The following CYP2F1 variants were observed in gnomAD, a reference collection of about 807,000 sequenced individuals.
CYP2F1 encodes cytochrome P450 family 2 subfamily F member 1.
In CYP2F1, 33 loss-of-function variants were observed where a neutral mutation model predicts 40.4. That is an observed-to-expected ratio of 0.82 (90% CI 0.62 to 1.09). The LOEUF (loss-of-function observed/expected upper bound fraction) is 1.09, where lower values mean the gene tolerates loss of function less well. CYP2F1 is among the 50% of genes least tolerant of loss of function. CYP2F1 has a pLI of 0.00. For missense variants in CYP2F1, 566 were observed against 655.7 expected, an observed-to-expected ratio of 0.86 and a Z score of 1.49; for synonymous variants, 235 against 277.2, an observed-to-expected ratio of 0.85 and a Z score of 1.51.
At position 41,128,216 on chromosome 19, in the gene CYP2F1, G is replaced by A. The variant is rs1167603476; in HGVS notation, c.*134G>A. On this transcript the variant is annotated 3_prime_UTR_variant, in exon 10 of 10. Transcript: ENST00000331105. ...GTCTTCCCTGCATGCTGTGCCTGCCGCGTGCCCTTCCCCCATCCCTCCAAT... is the reference window on the plus strand; with the variant it reads ...GTCTTCCCTGCATGCTGTGCCTGCCACGTGCCCTTCCCCCATCCCTCCAAT... 1.4e-5 allele frequency: 12 copies of A among 845,906 alleles called. No homozygotes were observed. Among genetic ancestry groups the A allele is most frequent in the Middle Eastern group, 3.7e-4 (1 of 2,712 alleles). 52.4% of individuals were successfully genotyped at this position (845,906 alleles called of 1,614,324 possible). A position where few individuals can be genotyped will look rare whatever the true frequency, so the allele number is the denominator to read the frequency against.
In CYP2F1 at chr19:41,128,049, G is replaced by A. The variant is rs772390920; in HGVS notation, c.1443G>A (p.Pro481=). 1.2e-5 allele frequency: 19 copies of A among 1,610,062 alleles called. No homozygotes were observed. The highest frequency in any genetic ancestry group is 6.7e-5 in the East Asian group (3 of 44,802). Reference sequence around the variant, plus strand: ...TCAGCTCAGGTCTTGGCAATTTGCCGCGGCCTTTCCAGCTGTGCCTGCGCC... The same window carrying A: ...TCAGCTCAGGTCTTGGCAATTTGCCACGGCCTTTCCAGCTGTGCCTGCGCC... ...TPLSSGLGNL[P]RPFQLCLRPR The change falls in exon 10 of 10, where the codon CCG becomes CCA. Residue 481 remains proline (P), a synonymous_variant. Coordinates refer to ENST00000331105, the MANE Select transcript of CYP2F1 (RefSeq NM_000774.5).
intron 1 of CYP2F1, among the ~76,000 whole-genome samples, chr19:41,114,788 CTTTTTTTT>C (rs36044091): frequency 5.0e-5 from 5 of 100,010 alleles, no homozygotes; most frequent in Non-Finnish European, 7.6e-5. Context: ...CTCTCTCTCT[CTTTTTTTT>C]TTTTTTTTTT....
In CYP2F1 at chr19:41,121,065, G is replaced by A. The variant is rs373412399; in HGVS notation, c.485-393G>A. 5.7e-4 allele frequency among the ~76,000 whole-genome samples: 86 copies of A among 152,054 alleles called. 1 individual carries two copies. The highest frequency in any genetic ancestry group is 4.1e-3 in the East Asian group (21 of 5,082). On this transcript the variant is annotated intron_variant, in intron 4 of 9. Transcript: ENST00000331105. ...GTCTTGGGATGTTTCCGGGCTGGCT[G>A]TTAGGTCACTGCGTGTCGTGTGTTG...
At chr19:41,124,178 C>G (rs1000629390) in intron 7 of CYP2F1, among the ~76,000 whole-genome samples, 18 of 151,072 alleles carry the variant, frequency 1.2e-4, no homozygotes, top group African/African-American at 3.4e-4. Context: ...CTTGCACAAG[C>G]CAAGCTTTCG....
At chr19:41,122,478 G>A (rs916563020) in intron 6 of CYP2F1, among the ~76,000 whole-genome samples, 43 of 151,614 alleles carry the variant, frequency 2.8e-4, no homozygotes, top group East Asian at 7.8e-4. Context: ...CAACACATAC[G>A]TACACACATA....
Position 41,116,560 on chromosome 19 carries a change from G to A in CYP2F1, c.277G>A (p.Glu93Lys), listed in dbSNP as rs1181199294. 7 of 1,614,064 alleles carry A rather than the reference G, an allele frequency of 4.3e-6. No homozygotes were observed. The highest frequency in any genetic ancestry group is 1.1e-5 in the South Asian group (1 of 91,076). ...GAAGGAGGCCCTGGTGGACCAGGGA[G>A]AGGAGTTTAGTGGCCGCGGTGACTA... Reference protein sequence around the residue: ...AVKEALVDQGEEFSGRGDYPA... With the variant: ...AVKEALVDQGKEFSGRGDYPA... Residue 93 changes from glutamate (E) to lysine (K), a missense_variant, in exon 3 of 10, where the codon GAG (glutamate) becomes AAG (lysine). Coordinates refer to ENST00000331105, the MANE Select transcript of CYP2F1 (RefSeq NM_000774.5).
rs1568382641 is a variant in CYP2F1, at chr19:41,125,535, C to G, written c.1195C>G (p.Pro399Ala). 6.9e-6 allele frequency: 11 copies of G among 1,596,410 alleles called. No individual in the cohort carries two copies. Among genetic ancestry groups the G allele is most frequent in the Non-Finnish European group, 9.4e-6 (11 of 1,167,314 alleles). Residue 399 changes from proline to alanine, a missense_variant, in exon 9 of 10, where the codon CCC becomes GCC. By Grantham distance (27) the Pro-to-Ala change is conservative. This residue lies in a region of CYP2F1 where 27 missense variants were observed against 68.4 expected (regional missense o/e 0.39). Coordinates refer to ENST00000331105, the MANE Select transcript of CYP2F1 (RefSeq NM_000774.5). ...CCTCCTTAACACCGTCCACTACGAC[C>G]CCAGCCAGTTCCTGACGCCCCAGGA... is the stretch of plus-strand genomic sequence containing the variant. ...ITLLNTVHYD[P>A]SQFLTPQEFN...
At chr19:41,124,601 C>G (rs1169355488) in intron 7 of CYP2F1, 118 bp from the exon 8 acceptor site, 2 of 950,652 alleles carry the variant, frequency 2.1e-6, no homozygotes, top group East Asian at 5.4e-5. Flanking sequence ...AGCAGTGGCG[C>G]CCCGCGCTGG....
rs1442658130 is a variant in CYP2F1, at chr19:41,116,226, T to C, written c.38T>C (p.Leu13Pro). The C allele has an allele frequency of 6.2e-7, 1 of 1,613,924 alleles. No individual in the cohort carries two copies. The highest frequency in any genetic ancestry group is 8.5e-7 in the Non-Finnish European group (1 of 1,179,956). The change falls in exon 2 of 10, where the codon CTG (leucine) becomes CCG (proline). Residue 13 changes from leucine to proline, a missense_variant. Physicochemically the swap from Leu to Pro is moderately conservative, Grantham distance 98 (BLOSUM62 -3). Around this residue, in one of 5 missense-constraint regions of CYP2F1, gnomAD observed 264 missense variants for 275.7 expected, o/e 0.96. Transcript: ENST00000331105. ...AGCACAGCCATCTTACTCCTGCTCC[T>C]GGCTCTCGTCTGTCTGCTCCTGACC... The part of the protein sequence containing the change: ...SISTAILLLL[L>P]ALVCLLLTLS...
At chr19:41,116,737 A>T in intron 3 of CYP2F1, 120 bp downstream of exon 3, 7 of 1,144,000 alleles carry the variant, frequency 6.1e-6, no homozygotes, top group Non-Finnish European at 8.7e-6. Flanking sequence ...CACTGATGAC[A>T]CCAAATGCAA....
chr19:41,118,570 C>A (rs1013153312), intron 3 of CYP2F1, among the ~76,000 whole-genome samples: 23 of 152,208 alleles, frequency 1.5e-4, no homozygotes, highest in Admixed American at 3.3e-4. Context: ...TGTCCAGGTA[C>A]ACCAGATGCA....
Position 41,124,805 on chromosome 19 carries a change from G to A in CYP2F1, c.1051G>A (p.Ala351Thr), listed in dbSNP as rs150197628. 4.0e-5 allele frequency: 65 copies of A among 1,611,456 alleles called. 1 individual carries two copies. The African/African-American group carries it at 5.3e-4, about 13-fold the overall frequency. ...KDRAAMPYTD[A>T]VIHEVQRFAD... ...CCGCGCGGCCATGCCTTACACAGACGCGGTGATCCACGAGGTGCAGCGCTT... is the reference window on the plus strand; with the variant it reads ...CCGCGCGGCCATGCCTTACACAGACACGGTGATCCACGAGGTGCAGCGCTT... Residue 351 changes from alanine (A) to threonine (T), a missense_variant, in exon 8 of 10, where the codon GCG (alanine) becomes ACG (threonine). Physicochemically the swap from Ala to Thr is moderately conservative, Grantham distance 58. Coordinates refer to ENST00000331105, the MANE Select transcript of CYP2F1 (RefSeq NM_000774.5).
chr19:41,120,325 G>C, intron 3 of CYP2F1, 22 bp from the exon 4 acceptor site: 1 of 1,572,142 alleles, frequency 6.4e-7, no homozygotes, highest in Admixed American at 2.0e-5. Context: ...CGGTTAAGCT[G>C]GTCCCCTCCT....
At chr19:41,119,974 C>T (rs544042140) in intron 3 of CYP2F1, among the ~76,000 whole-genome samples, 1 of 151,754 alleles carries the variant, frequency 6.6e-6, no homozygotes, top group African/African-American at 2.4e-5. Flanking sequence ...AAGTAATCAC[C>T]AGCACCTCCT....
At position 41,120,635 on chromosome 19, in the gene CYP2F1, C is replaced by T. The variant is rs1402280695; in HGVS notation, c.484+139C>T. The T allele has an allele frequency of 1.4e-5, 13 of 922,958 alleles. No homozygotes were observed. The East Asian group carries it at 3.0e-4, about 21-fold the overall frequency. 57.2% of individuals were successfully genotyped at this position (922,958 alleles called of 1,614,324 possible). A position where few individuals can be genotyped will look rare whatever the true frequency, so the allele number is the denominator to read the frequency against. The stretch of plus-strand genomic sequence containing the variant: ...TAGCTGGTACTTCAGGTGTGCTCCA[C>T]CACACCCAGCTTATTTTTAAATTTT... On this transcript the variant is annotated intron_variant, in intron 4 of 9. Coordinates refer to ENST00000331105, the MANE Select transcript of CYP2F1 (RefSeq NM_000774.5).
In CYP2F1 at chr19:41,122,028, G is replaced by A. The variant is rs758471148; in HGVS notation, c.717G>A (p.Lys239=). 2 of 1,612,900 alleles carry A rather than the reference G, an allele frequency of 1.2e-6. No homozygotes were observed. ...GPHQRIFQNF[K]CLRDLIAHSV... Reference sequence around the variant, plus strand: ...ACCAACGCATCTTCCAGAACTTCAAGTGCCTGAGAGACCTCATCGCCCACA... The same window carrying A: ...ACCAACGCATCTTCCAGAACTTCAAATGCCTGAGAGACCTCATCGCCCACA... Residue 239 remains lysine, a synonymous_variant, in exon 6 of 10, where the codon AAG becomes AAA. Transcript: ENST00000331105.
intron 1 of CYP2F1, among the ~76,000 whole-genome samples, chr19:41,114,776 C>G (rs1442366453): frequency 7.4e-6 from 1 of 135,534 alleles, no homozygotes; most frequent in African/African-American, 2.9e-5. Flanking sequence ...CTCTTTCTCT[C>G]TCTCTCTCTC....
In CYP2F1 at chr19:41,124,863, G is replaced by A. The variant is rs368079396; in HGVS notation, c.1109G>A (p.Arg370His). The A allele has an allele frequency of 7.3e-5, 118 of 1,610,642 alleles. No individual in the cohort carries two copies. The highest frequency in any genetic ancestry group is 9.7e-5 in the Non-Finnish European group (114 of 1,179,702). The change falls in exon 8 of 10, where the codon CGC becomes CAC. Residue 370 changes from arginine (R) to histidine (H), a missense_variant. This residue lies in a region of CYP2F1 where 128 missense variants were observed against 121.0 expected (regional missense o/e 1.06). Coordinates refer to ENST00000331105, the MANE Select transcript of CYP2F1 (RefSeq NM_000774.5). ...ATCATCCCCATGAACTTGCCGCACC[G>A]CGTCACTAGGGACACGGCCTTTCGC... ...ADIIPMNLPH[R>H]VTRDTAFRGF...
chr19:41,127,913 G>A lies in CYP2F1; in HGVS notation c.1307G>A (p.Cys436Tyr), dbSNP rs745872363. 3.7e-6 allele frequency: 6 copies of A among 1,612,144 alleles called. No homozygotes were observed. The South Asian group carries it at 5.5e-5, about 15-fold the overall frequency. ...GCCACCCCTGCAGGGCGCCGTCTGT[G>A]CCTGGGAGAGTCGCTGGCGCGCATG... The part of the protein sequence containing the change: ...FMPFSAGRRL[C>Y]LGESLARMEL... Residue 436 changes from cysteine (C) to tyrosine (Y), a missense_variant, in exon 10 of 10, where the codon TGC (cysteine) becomes TAC (tyrosine). This residue lies in a region of CYP2F1 where 85 missense variants were observed against 84.9 expected (regional missense o/e 1.00). Transcript: ENST00000331105.
Sources: gnomAD v4.1 joint callset for allele counts (sites outside exome capture counted in the v4.1 genomes callset) on GRCh38, gnomAD v4.1.1 for gene constraint, gnomAD v4.1.1 regional missense constraint, MANE v1.5 for transcripts, NCBI Gene and HGNC (gene_info 2026-07-23, HGNC 2026-07-21) for gene names.